Variants in GRB10 observed in about 807,000 individuals in gnomAD.
The protein encoded by GRB10 is growth factor receptor bound protein 10.
In GRB10, 20 loss-of-function variants were observed where a neutral mutation model predicts 80.9. The observed-to-expected ratio is 0.25, with a 90% confidence interval of 0.17 to 0.36. GRB10 has a LOEUF of 0.36. Among genes scored for constraint, GRB10 ranks in the 10% least tolerant of loss-of-function variants. The probability of loss-of-function intolerance (pLI) is 1.00; values close to 1 mark genes in which losing one functional copy is unlikely to be tolerated. For missense variants in GRB10, 548 were observed against 747.7 expected, an observed-to-expected ratio of 0.73 and a Z score of 3.12; for synonymous variants, 291 against 291.5, an observed-to-expected ratio of 1.00 and a Z score of 0.02.
intron 3 of GRB10, among the ~76,000 whole-genome samples, chr7:50,739,151 A>G (rs2071309063): frequency 6.6e-6 from 1 of 152,216 alleles, no homozygotes; most frequent in African/African-American, 2.4e-5. Context: ...GCTGAAGTTG[A>G]ACGTCTTTGT....
chr7:50,763,328 G>A (rs2075975055), intron 2 of GRB10, among the ~76,000 whole-genome samples: 1 of 152,270 alleles, frequency 6.6e-6, no homozygotes, highest in African/African-American at 2.4e-5. Context: ...AAACACATGA[G>A]CTATAATTGA....
intron 3 of GRB10, among the ~76,000 whole-genome samples, chr7:50,750,530 G>A (rs2073941828): frequency 6.6e-6 from 1 of 152,186 alleles, no homozygotes; most frequent in African/African-American, 2.4e-5. Flanking sequence ...AGCACACGTT[G>A]AGCCTGCCGA....
At chr7:50,676,208 G>C (rs1231892162) in intron 5 of GRB10, among the ~76,000 whole-genome samples, 1 of 151,870 alleles carries the variant, frequency 6.6e-6, no homozygotes, top group Non-Finnish European at 1.5e-5. Context: ...AGCAGAGACC[G>C]GCACTTGCAA....
chr7:50,708,972 CT>C (rs1225422633), intron 4 of GRB10, among the ~76,000 whole-genome samples: 1 of 152,204 alleles, frequency 6.6e-6, no homozygotes, highest in Non-Finnish European at 1.5e-5. Flanking sequence ...CAGTACCCAG[CT>C]GTGAGTCCGC....
At chr7:50,665,775 G>C (rs1219693670) in intron 7 of GRB10, among the ~76,000 whole-genome samples, 3 of 152,204 alleles carry the variant, frequency 2.0e-5, no homozygotes, top group Non-Finnish European at 4.4e-5. Context: ...GGCAGGTGAA[G>C]GACAGCCAGG....
intron 2 of GRB10, among the ~76,000 whole-genome samples, chr7:50,780,161 G>A (rs575510286): frequency 6.6e-5 from 10 of 152,192 alleles, no homozygotes; most frequent in East Asian, 1.9e-4. Context: ...AGAATAAACC[G>A]TCATGGAAAG....
intron 2 of GRB10, among the ~76,000 whole-genome samples, chr7:50,777,429 T>TATATACACAC (rs1554316306): frequency 6.8e-6 from 1 of 146,272 alleles, no homozygotes; most frequent in African/African-American, 2.5e-5. Flanking sequence ...GCAATCTGTA[T>TATATACACAC]ACACACACAC....
intron 5 of GRB10, among the ~76,000 whole-genome samples, chr7:50,690,626 C>T (rs1158131856): frequency 2.0e-5 from 3 of 152,218 alleles, no homozygotes; most frequent in Non-Finnish European, 4.4e-5. Flanking sequence ...GGCCCCAGGC[C>T]TCCTATCGCC....
At chr7:50,667,230 A>C (rs1481321012) in intron 7 of GRB10, among the ~76,000 whole-genome samples, 1 of 152,114 alleles carries the variant, frequency 6.6e-6, no homozygotes, top group Non-Finnish European at 1.5e-5. Flanking sequence ...GAACATAATG[A>C]CATGAATGAG....
intron 7 of GRB10, among the ~76,000 whole-genome samples, chr7:50,655,443 C>T (rs557153883): frequency 1.3e-5 from 2 of 152,246 alleles, no homozygotes; most frequent in South Asian, 2.1e-4. Flanking sequence ...TTAGGTTGAA[C>T]GTATATTTAA....
At chr7:50,765,503 A>G (rs1371870652) in intron 2 of GRB10, among the ~76,000 whole-genome samples, 2 of 152,248 alleles carry the variant, frequency 1.3e-5, no homozygotes, top group Non-Finnish European at 2.9e-5. Context: ...GTGAAATTCT[A>G]TCATTTGCAA....
intron 10 of GRB10, among the ~76,000 whole-genome samples, chr7:50,616,799 A>C (rs1218743720): frequency 1.3e-5 from 2 of 152,248 alleles, no homozygotes; most frequent in African/African-American, 4.8e-5. Context: ...CATCCTGGTG[A>C]TGTCCCCCTG....
Position 50,617,894 on chromosome 7 carries a change from C to CA in GRB10, c.846+176_846+177insT, listed in dbSNP as rs533587410. On this transcript the variant is annotated intron_variant, in intron 10 of 18. Transcript: ENST00000401949. ...GCTACACACAGATTTTCCAAGGAAA[C>CA]TTTTAATTTCTGGTTACTCTAAACC... 9.4e-4 allele frequency: 621 copies of CA among 658,436 alleles called. 10 individuals carry two copies. The East Asian group carries it at 0.01, about 11-fold the overall frequency. The allele number at this position is 658,436 out of a possible 1,614,324, so 40.8% of individuals were successfully genotyped here. A position where few individuals can be genotyped will look rare whatever the true frequency, so the allele number is the denominator to read the frequency against.
intron 7 of GRB10, among the ~76,000 whole-genome samples, chr7:50,632,929 C>G (rs1361458861): frequency 6.6e-6 from 1 of 152,240 alleles, no homozygotes; most frequent in East Asian, 1.9e-4. Flanking sequence ...CTTGCCAGAC[C>G]CAGCCATACC....
chr7:50,664,070 G>A (rs960376104), intron 7 of GRB10, among the ~76,000 whole-genome samples: 13 of 152,176 alleles, frequency 8.5e-5, no homozygotes, highest in Admixed American at 2.0e-4. Context: ...GCTGATGGGC[G>A]GTGGCTGTGG....
intron 3 of GRB10, among the ~76,000 whole-genome samples, chr7:50,736,759 G>A (rs944993820): frequency 6.6e-6 from 1 of 152,226 alleles, no homozygotes; most frequent in South Asian, 2.1e-4. Context: ...ACTCCAGCCA[G>A]GGCAACAGTG....
At chr7:50,637,205 G>T (rs1293449315) in intron 7 of GRB10, among the ~76,000 whole-genome samples, 4 of 152,036 alleles carry the variant, frequency 2.6e-5, no homozygotes, top group Non-Finnish European at 5.9e-5. Context: ...TCGAACTCCT[G>T]GACTCACCCA....
At chr7:50,683,024 C>A (rs2061712147) in intron 5 of GRB10, among the ~76,000 whole-genome samples, 1 of 152,218 alleles carries the variant, frequency 6.6e-6, no homozygotes, top group Non-Finnish European at 1.5e-5. Flanking sequence ...TAATCGTACA[C>A]CCTTGTTCAC....
chr7:50,635,700 T>C (rs957447651), intron 7 of GRB10, among the ~76,000 whole-genome samples: 1 of 151,938 alleles, frequency 6.6e-6, no homozygotes, highest in Non-Finnish European at 1.5e-5. Flanking sequence ...AAAGGTGACA[T>C]TACAACTGAT....
Sources: gnomAD v4.1 joint callset for allele counts (sites outside exome capture counted in the v4.1 genomes callset) on GRCh38, gnomAD v4.1.1 for gene constraint, MANE v1.5 for transcripts, NCBI Gene and HGNC (gene_info 2026-07-23, HGNC 2026-07-21) for gene names.